Variants in DYNC1LI2 observed in about 807,000 individuals in gnomAD.
The protein encoded by DYNC1LI2 is cytoplasmic dynein 1 light intermediate chain 2.
A neutral mutation model predicts 57.8 loss-of-function variants in DYNC1LI2; 19 were observed. The ratio of observed to expected loss-of-function variants is 0.33; its 90% confidence interval spans 0.23 to 0.48. The LOEUF (loss-of-function observed/expected upper bound fraction) is 0.48, where lower values mean the gene tolerates loss of function less well. Ranked by LOEUF, DYNC1LI2 falls within the 20% of genes least tolerant of loss-of-function variation. The pLI is 0.99. For missense variants in DYNC1LI2, 470 were observed against 604.2 expected (o/e 0.78, Z 2.33); for synonymous variants, 256 against 233.4 (o/e 1.10, Z -0.88).
rs142409423 is a variant in DYNC1LI2 at position 66,732,392 on chromosome 16, G to A, written c.876C>T (p.Tyr292=). Reference sequence around the variant, plus strand: ...AGGCAGGTGTGGTGAAGTGGAAACCGTATGTTTTATGAACAATATACTTAT... The same window carrying A: ...AGGCAGGTGTGGTGAAGTGGAAACCATATGTTTTATGAACAATATACTTAT... ...LLYKYIVHKT[Y]GFHFTTPALV... Residue 292 remains tyrosine, a synonymous_variant, in exon 7 of 13, where the codon TAC becomes TAT. Coordinates refer to ENST00000258198, the MANE Select transcript of DYNC1LI2 (RefSeq NM_006141.3). 147 of 1,613,672 alleles carry A rather than the reference G, an allele frequency of 9.1e-5. No individual in the cohort carries two copies. The highest frequency in any genetic ancestry group is 6.4e-4 in the African/African-American group (48 of 74,904).
rs371779475 is a variant in DYNC1LI2 at position 66,736,063 on chromosome 16, C to T, written c.699+12G>A. 56 of 1,610,674 alleles carry T rather than the reference C, an allele frequency of 3.5e-5. No individual in the cohort carries two copies. The highest frequency in any genetic ancestry group is 4.5e-5 in the Non-Finnish European group (53 of 1,177,338). ...CCGAACCCAGCCAAGCCAACAACCC[C>T]CTGGCACACACCTTTGTGCACACCA... On this transcript the variant is annotated intron_variant, in intron 5 of 12. Transcript: ENST00000258198.
chr16:66,736,652 C>A (rs2017740783), intron 4 of DYNC1LI2, among the ~76,000 whole-genome samples: 1 of 152,162 alleles, frequency 6.6e-6, no homozygotes, highest in Non-Finnish European at 1.5e-5. Context: ...CATGTGCCAC[C>A]ATGCCCAGCT....
chr16:66,734,132 G>T, intron 6 of DYNC1LI2, 86 bp downstream of exon 6: 1 of 1,229,106 alleles, frequency 8.1e-7, no homozygotes, highest in Non-Finnish European at 1.2e-6. Flanking sequence ...CACTATTCTG[G>T]GTTTGGGAGG....
intron 11 of DYNC1LI2, among the ~76,000 whole-genome samples, chr16:66,726,620 C>A (rs2017540574): frequency 6.6e-6 from 1 of 152,128 alleles, no homozygotes; most frequent in South Asian, 2.1e-4. Flanking sequence ...GTAAGTGAGA[C>A]CCCTACCTCT....
intron 3 of DYNC1LI2, among the ~76,000 whole-genome samples, chr16:66,744,475 G>GT (rs2017900156): frequency 6.6e-6 from 1 of 152,202 alleles, no homozygotes; most frequent in Admixed American, 6.5e-5. Flanking sequence ...GTGCTAAGAT[G>GT]TAATGAAACG....
rs750892737 is a variant in DYNC1LI2, at chr16:66,725,962, G to GA, written c.1262-19dup. ...TGCATTATCTAAGGAAAATTAAAGA[G>GA]AAAAAAAAGCATCATATAAACTGGA... is the stretch of plus-strand genomic sequence containing the variant. On this transcript the variant is annotated intron_variant, in intron 11 of 12. Transcript: ENST00000258198. 18 of 1,596,386 alleles carry GA rather than the reference G, an allele frequency of 1.1e-5. No homozygotes were observed. Among genetic ancestry groups the GA allele is most frequent in the Admixed American group, 9.1e-5 (5 of 54,832 alleles).
chr16:66,732,979 T>A (rs1396818587), intron 6 of DYNC1LI2: 2 of 152,218 alleles, frequency 1.3e-5, no homozygotes, highest in African/African-American at 4.8e-5. Context: ...CAGGAACTCA[T>A]CTCTCACCTC....
chr16:66,750,863 A>G (rs2018032913), intron 2 of DYNC1LI2, among the ~76,000 whole-genome samples: 1 of 152,130 alleles, frequency 6.6e-6, no homozygotes, highest in Non-Finnish European at 1.5e-5. Context: ...AAAACCTCGG[A>G]CTATGCACTA....
intron 4 of DYNC1LI2, chr16:66,738,197 A>C (rs945475039): frequency 6.7e-6 from 1 of 148,474 alleles, no homozygotes; most frequent in Non-Finnish European, 1.5e-5. Context: ...AAACTAACTG[A>C]TTAGGCCCTA....
chr16:66,727,029 C>T (rs977938180), intron 11 of DYNC1LI2, among the ~76,000 whole-genome samples: 2 of 151,986 alleles, frequency 1.3e-5, no homozygotes, highest in East Asian at 1.9e-4. Context: ...GCAATCCTGC[C>T]GCTTCATCCA....
At chr16:66,740,460 G>A (rs1249909678) in intron 4 of DYNC1LI2, among the ~76,000 whole-genome samples, 4 of 152,142 alleles carry the variant, frequency 2.6e-5, no homozygotes, top group Non-Finnish European at 4.4e-5. Context: ...ACACAAAGAC[G>A]TGGCTACCAT....
chr16:66,751,507 C>T lies in DYNC1LI2; in HGVS notation c.85G>A (p.Glu29Lys). The T allele has an allele frequency of 6.3e-7, 1 of 1,589,452 alleles. No individual in the cohort carries two copies. Among genetic ancestry groups the T allele is most frequent in the Non-Finnish European group, 8.5e-7 (1 of 1,170,432 alleles). The change falls in exon 1 of 13, where the codon GAG becomes AAG. Residue 29 changes from glutamate to lysine, a missense_variant. Transcript: ENST00000258198. The surrounding 1 kb of genome is among the most constrained non-coding windows in gnomAD (Gnocchi z 5.2). The stretch of plus-strand genomic sequence containing the variant: ...CACCATAGGCTCTGGCCTTCCTCCT[C>T]CTCACTGGTCAGGTCGCCGGCGGCC... ...VAAAGDLTSE[E>K]EEGQSLWSSI... is the part of the protein sequence containing the mutation.
chr16:66,746,656 G>A (rs1219031582), intron 3 of DYNC1LI2, among the ~76,000 whole-genome samples: 1 of 152,178 alleles, frequency 6.6e-6, no homozygotes, highest in Non-Finnish European at 1.5e-5. Context: ...AAACAGAAGA[G>A]GCTATAGAGA....
chr16:66,737,980 A>AACATG (rs1596992901), intron 4 of DYNC1LI2, among the ~76,000 whole-genome samples: 2 of 152,278 alleles, frequency 1.3e-5, no homozygotes, highest in East Asian at 3.9e-4. Flanking sequence ...AAGGCCTTTT[A>AACATG]CTCTCACCAA....
At position 66,723,331 on chromosome 16, in the gene DYNC1LI2, C is replaced by T. The variant is rs998011072; in HGVS notation, c.*391G>A. 1 of 459,440 alleles carries T rather than the reference C, an allele frequency of 2.2e-6. No homozygotes were observed. Among genetic ancestry groups the T allele is most frequent in the African/African-American group, 2.0e-5 (1 of 50,204 alleles). 28.5% of individuals were successfully genotyped at this position (459,440 alleles called of 1,614,324 possible). On this transcript the variant is annotated 3_prime_UTR_variant, in exon 13 of 13. Transcript: ENST00000258198. ...TGCTACTTAATCTGCTTCCCAAGAACAAGTGAATTTACTAACATGAAACTG... is the reference window on the plus strand; with the variant it reads ...TGCTACTTAATCTGCTTCCCAAGAATAAGTGAATTTACTAACATGAAACTG...
At chr16:66,727,878 C>A in intron 10 of DYNC1LI2, 73 bp from the exon 11 acceptor site, 1 of 1,325,570 alleles carries the variant, frequency 7.5e-7, no homozygotes, top group Non-Finnish European at 1.1e-6. Context: ...CAAATGGAGA[C>A]ATGCTTCTGA....
chr16:66,750,959 A>G (rs2018035970), intron 2 of DYNC1LI2, among the ~76,000 whole-genome samples: 1 of 151,990 alleles, frequency 6.6e-6, no homozygotes, highest in African/African-American at 2.4e-5. Flanking sequence ...TCTCCACCTA[A>G]TCTCATCTAC....
intron 3 of DYNC1LI2, among the ~76,000 whole-genome samples, chr16:66,743,662 C>A (rs1256912854): frequency 1.3e-5 from 2 of 151,844 alleles, no homozygotes; most frequent in African/African-American, 4.8e-5. Flanking sequence ...CCTAAATAAT[C>A]CATCATCCTA....
At chr16:66,745,209 G>T (rs12597847) in intron 3 of DYNC1LI2, among the ~76,000 whole-genome samples, 76,815 of 151,460 alleles carry the variant, frequency 0.51, 20,290 homozygotes, top group African/African-American at 0.64. Flanking sequence ...GCAGAACTAT[G>T]TTTTATAAAA....
Sources: gnomAD v4.1 joint callset for allele counts (sites outside exome capture counted in the v4.1 genomes callset) on GRCh38, gnomAD v4.1.1 for gene constraint, Gnocchi (gnomAD v3.1) non-coding constraint, MANE v1.5 for transcripts, NCBI Gene and HGNC (gene_info 2026-07-23, HGNC 2026-07-21) for gene names.